The following METTL15 variants were observed in gnomAD, a reference collection of about 807,000 sequenced individuals.
METTL15 encodes the protein 12S rRNA N(4)-cytidine methyltransferase METTL15.
Under a neutral mutation model 38.3 loss-of-function variants are expected in METTL15, and 34 were observed. That is an observed-to-expected ratio of 0.89 (90% CI 0.68 to 1.18). The LOEUF (loss-of-function observed/expected upper bound fraction) is 1.18, where lower values mean the gene tolerates loss of function less well. METTL15 is among the 50% of genes most tolerant of loss of function. The pLI is 0.00. For synonymous variants in METTL15, 162 were observed against 170.9 expected (o/e 0.95, Z 0.41); for missense variants, 438 against 498.4 (o/e 0.88, Z 1.15).
chr11:28,469,933 G>T (rs1851289031), intron 6 of METTL15, among the ~76,000 whole-genome samples: 2 of 151,948 alleles, frequency 1.3e-5, no homozygotes, highest in Non-Finnish European at 2.9e-5. Flanking sequence ...AATTTTAAAT[G>T]TCAGGCTTAT....
chr11:28,359,009 G>C (rs374934634), intron 4 of METTL15, among the ~76,000 whole-genome samples: 151 of 152,186 alleles, frequency 9.9e-4, no homozygotes, highest in African/African-American at 1.9e-3. Flanking sequence ...TGAGGTTTGG[G>C]GTATGAAATG....
At chr11:28,391,395 A>G (rs1850505752) in intron 5 of METTL15, among the ~76,000 whole-genome samples, 2 of 151,976 alleles carry the variant, frequency 1.3e-5, no homozygotes, top group Non-Finnish European at 2.9e-5. Flanking sequence ...TTATTTTGAG[A>G]TACGTCCCAT....
intron 6 of METTL15, among the ~76,000 whole-genome samples, chr11:28,494,433 G>A (rs1851520178): frequency 6.6e-6 from 1 of 152,158 alleles, no homozygotes; most frequent in African/African-American, 2.4e-5. Flanking sequence ...ATGGTAAGTA[G>A]GAGTGTAGGT....
chr11:28,370,192 A>C (rs1274928527), intron 5 of METTL15, among the ~76,000 whole-genome samples: 1 of 152,018 alleles, frequency 6.6e-6, no homozygotes, highest in Non-Finnish European at 1.5e-5. Flanking sequence ...TCTACCCATT[A>C]ATCAACCACA....
chr11:28,403,747 G>A (rs1850650350), intron 5 of METTL15, among the ~76,000 whole-genome samples: 1 of 151,944 alleles, frequency 6.6e-6, no homozygotes, highest in Non-Finnish European at 1.5e-5. Context: ...ACTAAGAAAT[G>A]GGTTAATGTT....
intron 3 of METTL15, among the ~76,000 whole-genome samples, chr11:28,150,693 G>A (rs946783263): frequency 6.6e-6 from 1 of 151,654 alleles, no homozygotes; most frequent in Non-Finnish European, 1.5e-5. Context: ...TGTTGCTCTC[G>A]CCTTCTAGTT....
chr11:28,520,922 A>G (rs1851759639), intron 6 of METTL15, among the ~76,000 whole-genome samples: 1 of 152,166 alleles, frequency 6.6e-6, no homozygotes, highest in Non-Finnish European at 1.5e-5. Context: ...TTATGAAAAC[A>G]GTTTATTTTC....
intron 4 of METTL15, among the ~76,000 whole-genome samples, chr11:28,359,698 AC>A (rs1850119600): frequency 6.6e-6 from 1 of 152,018 alleles, no homozygotes; most frequent in Non-Finnish European, 1.5e-5. Context: ...TTTTTCATAC[AC>A]TTGTGCGTCT....
At chr11:28,514,540 G>A (rs1851703353) in intron 6 of METTL15, among the ~76,000 whole-genome samples, 1 of 152,178 alleles carries the variant, frequency 6.6e-6, no homozygotes, top group African/African-American at 2.4e-5. Flanking sequence ...GTTGATCTGA[G>A]TTTTGAATTG....
At chr11:28,267,220 G>A (rs1205497760) in intron 4 of METTL15, among the ~76,000 whole-genome samples, 1 of 150,016 alleles carries the variant, frequency 6.7e-6, no homozygotes, top group Non-Finnish European at 1.5e-5. Flanking sequence ...GGGCCCTCCA[G>A]TGTCTAGTCT....
At chr11:28,204,781 T>C (rs1852255065) in intron 3 of METTL15, among the ~76,000 whole-genome samples, 1 of 152,024 alleles carries the variant, frequency 6.6e-6, no homozygotes, top group East Asian at 1.9e-4. Context: ...TAAATAGAGG[T>C]ACTTTTTATT....
intron 5 of METTL15, among the ~76,000 whole-genome samples, chr11:28,385,462 C>A (rs1850430237): frequency 1.3e-5 from 2 of 151,782 alleles, no homozygotes; most frequent in African/African-American, 2.4e-5. Context: ...AGATATGCAA[C>A]CTTATTTCTG....
At chr11:28,458,606 G>T (rs1429907836) in intron 6 of METTL15, among the ~76,000 whole-genome samples, 2 of 152,116 alleles carry the variant, frequency 1.3e-5, no homozygotes, top group Non-Finnish European at 2.9e-5. Flanking sequence ...TTTCTCACCT[G>T]CCCAGGGCCT....
At chr11:28,132,602 A>G (rs531897415) in intron 3 of METTL15, among the ~76,000 whole-genome samples, 182 of 152,164 alleles carry the variant, frequency 1.2e-3, no homozygotes, top group African/African-American at 4.3e-3. Flanking sequence ...TTCTTCCATG[A>G]GATTTTCATA....
rs1487889550 is a variant in METTL15, at chr11:28,122,477, A to G, written c.270+8873A>G. On this transcript the variant is annotated intron_variant, in intron 3 of 6. Coordinates refer to ENST00000407364, the MANE Select transcript of METTL15 (RefSeq NM_001113528.2). ...AGAGTTTTAGAAGTAAACATTATTT[A>G]TAACTAAAATGAAAATAACATATTT... Among the ~76,000 whole-genome samples, 15 of 151,496 alleles carry G rather than the reference A, an allele frequency of 9.9e-5. No individual in the cohort carries two copies. The East Asian group carries it at 2.5e-3, about 25-fold the overall frequency.
chr11:28,203,426 G>A (rs1271744156), intron 3 of METTL15, among the ~76,000 whole-genome samples: 1 of 151,958 alleles, frequency 6.6e-6, no homozygotes, highest in Non-Finnish European at 1.5e-5. Flanking sequence ...TAACTGTATT[G>A]GAGGAATCCT....
At chr11:28,305,864 C>T (rs191164812) in intron 6 of METTL15, among the ~76,000 whole-genome samples, 2 of 152,028 alleles carry the variant, frequency 1.3e-5, no homozygotes, top group Admixed American at 1.3e-4. Flanking sequence ...AGAAGTGATG[C>T]CTATTTATGG....
In METTL15 at chr11:28,296,659, T is replaced by A. The variant is rs187894794; in HGVS notation, c.600-94T>A. 1.4e-3 allele frequency: 1,826 copies of A among 1,289,948 alleles called. 3 individuals carry two copies. The highest frequency in any genetic ancestry group is 3.3e-3 in the Admixed American group (186 of 56,188). The allele number at this position is 1,289,948 out of a possible 1,614,324, so 79.9% of individuals were successfully genotyped here. Reference sequence around the variant, plus strand: ...AACCTCACTTCTCCTAGAGTATGTGTGTGTGTCTGACTTTATGTCTCAGTA... The same window carrying A: ...AACCTCACTTCTCCTAGAGTATGTGAGTGTGTCTGACTTTATGTCTCAGTA... On this transcript the variant is annotated intron_variant, in intron 5 of 6. Transcript: ENST00000407364.
intron 6 of METTL15, among the ~76,000 whole-genome samples, chr11:28,490,878 G>A (rs1252858491): frequency 6.6e-6 from 1 of 152,236 alleles, no homozygotes; most frequent in East Asian, 1.9e-4. Flanking sequence ...ATTATTTGGG[G>A]CATTGTATAA....
Sources: allele counts gnomAD v4.1 joint callset (sites outside exome capture counted in the v4.1 genomes callset), GRCh38; gene constraint gnomAD v4.1.1; transcripts MANE v1.5; gene names NCBI Gene and HGNC (gene_info 2026-07-23, HGNC 2026-07-21).